The following ARHGAP8 variants were observed in gnomAD, a reference collection of about 807,000 sequenced individuals.
The protein encoded by ARHGAP8 is Rho GTPase activating protein 8.
In ARHGAP8, 62 loss-of-function variants were observed where a neutral mutation model predicts 46.1. The observed-to-expected ratio is 1.34, with a 90% CI of 1.10 to 1.66. The LOEUF (loss-of-function observed/expected upper bound fraction) is 1.66, where lower values mean the gene tolerates loss of function less well. Among genes scored for constraint, ARHGAP8 ranks in the 40% most tolerant of loss-of-function variants. The pLI is 0.00. For missense variants in ARHGAP8, 923 were observed against 568.4 expected (o/e 1.62, Z -6.34); for synonymous variants, 375 against 243.1 (o/e 1.54, Z -5.05).
At chr22:44,824,923 G>A (rs917910840) in intron 6 of ARHGAP8, among the ~76,000 whole-genome samples, 1 of 151,738 alleles carries the variant, frequency 6.6e-6, no homozygotes, top group Non-Finnish European at 1.5e-5. Flanking sequence ...GTGAGCCACC[G>A]TGCCGAGCAC....
intron 1 of ARHGAP8, among the ~76,000 whole-genome samples, chr22:44,767,243 A>G (rs905958168): frequency 3.9e-5 from 6 of 152,062 alleles, no homozygotes; most frequent in Admixed American, 3.9e-4. Context: ...TCCCGTGACT[A>G]CAGAAACATT....
intron 1 of ARHGAP8, among the ~76,000 whole-genome samples, chr22:44,771,210 T>G (rs1366051763): frequency 2.6e-5 from 4 of 152,066 alleles, no homozygotes; most frequent in Non-Finnish European, 4.4e-5. Context: ...CCTTAGGATT[T>G]TTACTTAGAT....
At chr22:44,849,114 C>A in intron 10 of ARHGAP8, 54 bp downstream of exon 10, 1 of 1,607,666 alleles carries the variant, frequency 6.2e-7, no homozygotes, top group Non-Finnish European at 8.5e-7. Context: ...GATGCTGTCC[C>A]CCAGCTACTG....
At chr22:44,857,206 C>G (rs1475093247) in intron 10 of ARHGAP8, among the ~76,000 whole-genome samples, 1 of 150,912 alleles carries the variant, frequency 6.6e-6, no homozygotes, top group Non-Finnish European at 1.5e-5. Context: ...TCTGAAAGTG[C>G]TGGTATTATA....
At chr22:44,821,081 G>A (rs1040887374) in intron 5 of ARHGAP8, among the ~76,000 whole-genome samples, 2 of 152,130 alleles carry the variant, frequency 1.3e-5, no homozygotes, top group African/African-American at 4.8e-5. Flanking sequence ...CTTCGGTTTG[G>A]CTGAATACAT....
At chr22:44,860,221 A>T (rs993331493) in intron 11 of ARHGAP8, among the ~76,000 whole-genome samples, 3 of 152,094 alleles carry the variant, frequency 2.0e-5, no homozygotes, top group African/African-American at 7.2e-5. Context: ...TGGGGAAGGG[A>T]TACACCCAGA....
intron 7 of ARHGAP8, among the ~76,000 whole-genome samples, chr22:44,835,190 C>T (rs1422498303): frequency 6.6e-6 from 1 of 151,248 alleles, no homozygotes; most frequent in East Asian, 1.9e-4. Context: ...GTGTTAAATA[C>T]ATACTTTCTA....
chr22:44,772,359 T>C (rs1257500671), intron 1 of ARHGAP8, among the ~76,000 whole-genome samples: 1 of 146,446 alleles, frequency 6.8e-6, no homozygotes, highest in Non-Finnish European at 1.5e-5. Flanking sequence ...TTTCTTTTTT[T>C]TTTTTTTTTA....
chr22:44,826,646 G>A (rs549125066), intron 7 of ARHGAP8, among the ~76,000 whole-genome samples: 51 of 152,218 alleles, frequency 3.4e-4, no homozygotes, highest in African/African-American at 1.1e-3. Flanking sequence ...GGCTGGTCTC[G>A]AACTCCTGAC....
chr22:44,857,231 C>T (rs977041017), intron 10 of ARHGAP8, among the ~76,000 whole-genome samples: 6 of 151,830 alleles, frequency 4.0e-5, no homozygotes, highest in Admixed American at 6.6e-5. Context: ...TGAGCCACCA[C>T]GACCAGTCTT....
At chr22:44,774,212 C>T (rs117210914) in intron 1 of ARHGAP8, among the ~76,000 whole-genome samples, 1,846 of 152,150 alleles carry the variant, frequency 0.012, 25 homozygotes, top group Non-Finnish European at 0.016. Context: ...TCAACAGTCA[C>T]GGGGTTAAAG....
chr22:44,774,895 A>C (rs545000200), intron 1 of ARHGAP8, among the ~76,000 whole-genome samples: 112 of 150,704 alleles, frequency 7.4e-4, no homozygotes, highest in Middle Eastern at 3.5e-3. Context: ...CAGTGGAGCA[A>C]TCGTGGCTCA....
intron 11 of ARHGAP8, among the ~76,000 whole-genome samples, chr22:44,861,412 T>G (rs1026683027): frequency 4.6e-5 from 7 of 152,086 alleles, no homozygotes; most frequent in East Asian, 1.9e-4. Context: ...TGAGGAGGGG[T>G]GGCCTGCAGT....
At chr22:44,829,386 A>G (rs1157209482) in intron 7 of ARHGAP8, among the ~76,000 whole-genome samples, 5 of 152,190 alleles carry the variant, frequency 3.3e-5, no homozygotes, top group African/African-American at 1.2e-4. Flanking sequence ...ATTGTTAGCC[A>G]TGGCTGTAGG....
intron 1 of ARHGAP8, among the ~76,000 whole-genome samples, chr22:44,761,245 T>C (rs748200093): frequency 6.6e-6 from 1 of 152,204 alleles, no homozygotes; most frequent in Non-Finnish European, 1.5e-5. Flanking sequence ...TCTGTATTCG[T>C]GGGCTCTGCA....
At chr22:44,792,203 G>A (rs375471470) in intron 2 of ARHGAP8, among the ~76,000 whole-genome samples, 2 of 151,872 alleles carry the variant, frequency 1.3e-5, no homozygotes, top group African/African-American at 2.4e-5. Context: ...GTAGAGATGG[G>A]GTTTCATCAT....
chr22:44,773,784 T>C (rs1243919215), intron 1 of ARHGAP8, among the ~76,000 whole-genome samples: 8 of 152,242 alleles, frequency 5.3e-5, no homozygotes, highest in Non-Finnish European at 1.0e-4. Context: ...GGTTTTGCCA[T>C]GTTGCCCAGG....
intron 1 of ARHGAP8, among the ~76,000 whole-genome samples, chr22:44,781,614 C>T (rs1299803659): frequency 3.3e-5 from 5 of 152,176 alleles, no homozygotes; most frequent in Non-Finnish European, 7.3e-5. Flanking sequence ...GCCTCCGGCT[C>T]CCAGGTTCAA....
At chr22:44,793,540 C>G (rs1927858104) in intron 2 of ARHGAP8, among the ~76,000 whole-genome samples, 1 of 152,180 alleles carries the variant, frequency 6.6e-6, no homozygotes. Context: ...CAAACAAAAA[C>G]CATAGCAAAC....
Sources: gnomAD v4.1 joint callset for allele counts (sites outside exome capture counted in the v4.1 genomes callset) on GRCh38, gnomAD v4.1.1 for gene constraint, MANE v1.5 for transcripts, NCBI Gene and HGNC (gene_info 2026-07-23, HGNC 2026-07-21) for gene names.